Variants in XNDC1N observed in about 807,000 individuals in gnomAD.
The protein encoded by XNDC1N is protein XNDC1N.
chr11:71,872,903 C>T, the XNDC1N span, among the ~76,000 whole-genome samples: 2 of 152,140 alleles, frequency 1.3e-5, no homozygotes, highest in Admixed American at 6.5e-5. Context: ...TTCACATATT[C>T]AGGATAGAGG....
At chr11:71,886,468 G>A in the XNDC1N span, among the ~76,000 whole-genome samples, 1 of 152,114 alleles carries the variant, frequency 6.6e-6, no homozygotes, top group African/African-American at 2.4e-5. Flanking sequence ...AGGCTAAACC[G>A]AGACAGGGAA....
At chr11:71,909,126 C>T in the XNDC1N span, among the ~76,000 whole-genome samples, 732 of 152,206 alleles carry the variant, frequency 4.8e-3, 2 homozygotes, top group African/African-American at 0.017. Context: ...GGCTTTAGTC[C>T]GTCAAAGCCC....
chr11:71,884,025 C>T, the XNDC1N span, among the ~76,000 whole-genome samples: 2 of 152,212 alleles, frequency 1.3e-5, no homozygotes, highest in Admixed American at 1.3e-4. Context: ...TCAAGGCCAA[C>T]CCCTCCACTT....
chr11:71,896,753 G>A, the XNDC1N span, among the ~76,000 whole-genome samples: 4 of 152,166 alleles, frequency 2.6e-5, no homozygotes, highest in Admixed American at 6.5e-5. Context: ...GGTAGAGACG[G>A]GGGTTTCTCC....
the XNDC1N span, among the ~76,000 whole-genome samples, chr11:71,866,757 C>A: frequency 2.0e-5 from 3 of 151,286 alleles, no homozygotes; most frequent in Admixed American, 2.0e-4. Context: ...GAGCAAGACT[C>A]CATCTAAAAA....
chr11:71,872,194 T>C, the XNDC1N span, among the ~76,000 whole-genome samples: 1 of 152,082 alleles, frequency 6.6e-6, no homozygotes. Context: ...ACACTCCCAG[T>C]CTTCAGATTA....
chr11:71,884,520 A>G, the XNDC1N span: 1 of 1,609,196 alleles, frequency 6.2e-7, no homozygotes, highest in Non-Finnish European at 8.5e-7. Flanking sequence ...CATCTGCTGC[A>G]AACTGAAGAT....
At chr11:71,923,994 G>C in the XNDC1N span, among the ~76,000 whole-genome samples, 1 of 152,086 alleles carries the variant, frequency 6.6e-6, no homozygotes, top group Non-Finnish European at 1.5e-5. Context: ...ATATTAAGAT[G>C]TTAATGTTGG....
the XNDC1N span, among the ~76,000 whole-genome samples, chr11:71,868,712 C>T: frequency 0.19 from 28,578 of 151,974 alleles, 4,912 homozygotes; most frequent in African/African-American, 0.45. Context: ...GCCTTTAATA[C>T]TTTTTCTTTC....
the XNDC1N span, among the ~76,000 whole-genome samples, chr11:71,886,499 G>A: frequency 2.6e-5 from 4 of 152,212 alleles, no homozygotes; most frequent in South Asian, 4.2e-4. Flanking sequence ...AAGGATTAAT[G>A]AGGGGAGCTC....
the XNDC1N span, among the ~76,000 whole-genome samples, chr11:71,920,419 T>C: frequency 6.6e-6 from 1 of 152,204 alleles, no homozygotes; most frequent in Non-Finnish European, 1.5e-5. Context: ...GCAATTCTCC[T>C]GCTTCAGCTT....
chr11:71,867,349 G>A, the XNDC1N span, among the ~76,000 whole-genome samples: 2 of 152,182 alleles, frequency 1.3e-5, no homozygotes, highest in Non-Finnish European at 2.9e-5. Context: ...GGGAACATCA[G>A]GACCCAGTCA....
the XNDC1N span, among the ~76,000 whole-genome samples, chr11:71,882,401 T>G: frequency 2.6e-5 from 4 of 152,150 alleles, no homozygotes. Context: ...CTGGCTAATT[T>G]TGTATTTTTA....
the XNDC1N span, among the ~76,000 whole-genome samples, chr11:71,895,848 T>C: frequency 1.3e-5 from 2 of 152,170 alleles, no homozygotes; most frequent in African/African-American, 2.4e-5. Context: ...CAATGAAGTA[T>C]TATGCAACCT....
chr11:71,915,919 T>C, the XNDC1N span: 2 of 581,918 alleles, frequency 3.4e-6, no homozygotes, highest in African/African-American at 3.7e-5. Context: ...CACGCCTACC[T>C]GTAAGAAAGG....
the XNDC1N span, among the ~76,000 whole-genome samples, chr11:71,901,929 A>G: frequency 6.6e-6 from 1 of 152,040 alleles, no homozygotes; most frequent in South Asian, 2.1e-4. Flanking sequence ...ACTCCACACA[A>G]TTCAACGGAA....
At chr11:71,869,383 A>C in the XNDC1N span, among the ~76,000 whole-genome samples, 2 of 152,154 alleles carry the variant, frequency 1.3e-5, no homozygotes, top group African/African-American at 2.4e-5. Flanking sequence ...ACATGGAATC[A>C]TCCTTTTCTT....
the XNDC1N span, among the ~76,000 whole-genome samples, chr11:71,913,892 G>A: frequency 6.6e-6 from 1 of 152,086 alleles, no homozygotes; most frequent in Non-Finnish European, 1.5e-5. Flanking sequence ...TCTATAAATG[G>A]AACAGCAAAG....
the XNDC1N span, among the ~76,000 whole-genome samples, chr11:71,874,121 C>T: frequency 6.6e-6 from 1 of 152,088 alleles, no homozygotes; most frequent in Non-Finnish European, 1.5e-5. Context: ...TTGAGAACAG[C>T]CTAACCAACA....
Sources: gnomAD v4.1 joint callset for allele counts (sites outside exome capture counted in the v4.1 genomes callset) on GRCh38, gnomAD v4.1.1 for gene constraint, MANE v1.5 for transcripts, NCBI Gene and HGNC (gene_info 2026-07-23, HGNC 2026-07-21) for gene names.